Variants in CLVS1 observed in about 807,000 individuals in gnomAD.
CLVS1 encodes the protein clavesin 1, also known as clavesin-1.
CLVS1 carries 10 observed loss-of-function variants against 33.1 expected under a neutral mutation model. The observed-to-expected ratio is 0.30, with a 90% CI of 0.19 to 0.51. The LOEUF (loss-of-function observed/expected upper bound fraction) is 0.51, where lower values mean the gene tolerates loss of function less well. Among genes scored for constraint, CLVS1 ranks in the 20% least tolerant of loss-of-function variants. The pLI is 0.97. For missense variants in CLVS1, 343 were observed against 433.4 expected, an observed-to-expected ratio of 0.79 and a Z score of 1.85; for synonymous variants, 163 against 166.1, an observed-to-expected ratio of 0.98 and a Z score of 0.14.
chr8:61,414,588 G>A (rs1376273649), intron 3 of CLVS1, among the ~76,000 whole-genome samples: 1 of 152,160 alleles, frequency 6.6e-6, no homozygotes, highest in Non-Finnish European at 1.5e-5. Context: ...GGCTGGGGCT[G>A]CGAGTAGGTC....
chr8:61,192,500 C>T (rs531080359), intron 2 of CLVS1, among the ~76,000 whole-genome samples: 1 of 152,158 alleles, frequency 6.6e-6, no homozygotes, highest in African/African-American at 2.4e-5. Context: ...AAAGCAATGG[C>T]AACAAAAGCT....
rs967077044 is a variant in CLVS1, at chr8:61,253,303, T to C, written c.-151-46374T>C. On this transcript the variant is annotated intron_variant, in intron 2 of 2. Transcript: ENST00000522621. ...GCCAAGAGATCAGCTGTTAGTCTGA[T>C]GGACTTCCCTTTATGGGTAACCTGA... Among the ~76,000 whole-genome samples the C allele has an allele frequency of 3.9e-5, 6 of 152,368 alleles. No homozygotes were observed. In the East Asian group the frequency reaches 1.2e-3, roughly 29 times the overall value.
intron 1 of CLVS1, among the ~76,000 whole-genome samples, chr8:61,067,689 G>A (rs1230427244): frequency 1.3e-5 from 2 of 152,152 alleles, no homozygotes; most frequent in Non-Finnish European, 2.9e-5. Flanking sequence ...GGACAACATA[G>A]AGAGACCATA....
chr8:61,479,915 A>G (rs951228649), intron 5 of CLVS1, among the ~76,000 whole-genome samples: 1 of 152,124 alleles, frequency 6.6e-6, no homozygotes, highest in Non-Finnish European at 1.5e-5. Context: ...GTGAACCGCA[A>G]ATGCTGCTGC....
intron 2 of CLVS1, among the ~76,000 whole-genome samples, chr8:61,226,079 T>C (rs1585704257): frequency 6.6e-6 from 1 of 152,348 alleles, no homozygotes; most frequent in African/African-American, 2.4e-5. Flanking sequence ...AAAAAACAAA[T>C]TCTGAATTTC....
chr8:61,142,816 G>A (rs184309942), intron 2 of CLVS1, among the ~76,000 whole-genome samples: 4 of 152,284 alleles, frequency 2.6e-5, no homozygotes, highest in Admixed American at 2.6e-4. Flanking sequence ...TGGTTGTTCT[G>A]ATCTGGTGAT....
the CLVS1 span, among the ~76,000 whole-genome samples, chr8:61,023,079 T>G: frequency 1.3e-5 from 2 of 152,234 alleles, no homozygotes; most frequent in African/African-American, 4.8e-5. Flanking sequence ...TGTACTTTCA[T>G]CAGTTAAAAA....
intron 2 of CLVS1, among the ~76,000 whole-genome samples, chr8:61,328,861 GACTA>G (rs1398851965): frequency 6.6e-6 from 1 of 152,138 alleles, no homozygotes; most frequent in African/African-American, 2.4e-5. Context: ...GTTACCAAGA[GACTA>G]ACTCAGAGGG....
intron 2 of CLVS1, among the ~76,000 whole-genome samples, chr8:61,231,897 C>T (rs1239027462): frequency 6.6e-6 from 1 of 151,906 alleles, no homozygotes; most frequent in African/African-American, 2.4e-5. Flanking sequence ...GAGTGGGGGG[C>T]AAGGGTGGAT....
intron 2 of CLVS1, among the ~76,000 whole-genome samples, chr8:61,146,620 G>A (rs1185614726): frequency 6.6e-6 from 1 of 152,212 alleles, no homozygotes; most frequent in Non-Finnish European, 1.5e-5. Flanking sequence ...TAGAAAAACT[G>A]TTCCTGATGG....
At chr8:61,009,074 T>C in the CLVS1 span, among the ~76,000 whole-genome samples, 2 of 152,244 alleles carry the variant, frequency 1.3e-5, no homozygotes, top group Non-Finnish European at 2.9e-5. Context: ...TTTTATCTAA[T>C]TTATATGCAT....
At chr8:61,423,974 A>G (rs1815781313) in intron 3 of CLVS1, among the ~76,000 whole-genome samples, 1 of 152,244 alleles carries the variant, frequency 6.6e-6, no homozygotes, top group South Asian at 2.1e-4. Flanking sequence ...ACATTTTATG[A>G]CATTATTATT....
At chr8:61,163,926 C>T (rs902228908) in intron 2 of CLVS1, among the ~76,000 whole-genome samples, 4 of 152,112 alleles carry the variant, frequency 2.6e-5, no homozygotes, top group African/African-American at 7.2e-5. Flanking sequence ...AAACACGGAC[C>T]AGAAGAGTGT....
At chr8:61,193,845 T>A (rs1807547086) in intron 2 of CLVS1, among the ~76,000 whole-genome samples, 1 of 152,128 alleles carries the variant, frequency 6.6e-6, no homozygotes, top group Non-Finnish European at 1.5e-5. Context: ...TTGGGTAAAT[T>A]TAAGCAAACA....
chr8:61,442,224 T>TA (rs1816578077), intron 3 of CLVS1, among the ~76,000 whole-genome samples: 1 of 152,222 alleles, frequency 6.6e-6, no homozygotes, highest in Admixed American at 6.5e-5. Flanking sequence ...TTTCCCTTTT[T>TA]ACTCAGCAAA....
chr8:61,495,529 T>A (rs1243146746), intron 5 of CLVS1, among the ~76,000 whole-genome samples: 2 of 152,216 alleles, frequency 1.3e-5, no homozygotes. Context: ...AAGTCCCAGA[T>A]AATCATTTGG....
At chr8:61,470,386 A>T (rs1245609804) in intron 5 of CLVS1, among the ~76,000 whole-genome samples, 1 of 152,240 alleles carries the variant, frequency 6.6e-6, no homozygotes, top group African/African-American at 2.4e-5. Context: ...ATAGAGTTGA[A>T]TTAGAAGGAA....
At chr8:61,316,914 G>T (rs1423379554) in intron 2 of CLVS1, among the ~76,000 whole-genome samples, 4 of 152,106 alleles carry the variant, frequency 2.6e-5, no homozygotes, top group African/African-American at 9.7e-5. Flanking sequence ...CTACCTCTAA[G>T]GGTTGTATTG....
chr8:61,422,622 G>A (rs10216589), intron 3 of CLVS1, among the ~76,000 whole-genome samples: 2 of 152,206 alleles, frequency 1.3e-5, no homozygotes, highest in Non-Finnish European at 2.9e-5. Flanking sequence ...AACACAAACC[G>A]TAGAAGTTCC....
Sources: gnomAD v4.1 joint callset for allele counts (sites outside exome capture counted in the v4.1 genomes callset) on GRCh38, gnomAD v4.1.1 for gene constraint, MANE v1.5 for transcripts, NCBI Gene and HGNC (gene_info 2026-07-23, HGNC 2026-07-21) for gene names.